The following NF1 variants were observed in gnomAD, a reference collection of about 807,000 sequenced individuals.
The protein encoded by NF1 is neurofibromin 1.
NF1 carries 122 observed loss-of-function variants against 325.7 expected under a neutral mutation model. The ratio of observed to expected loss-of-function variants is 0.37; its 90% CI spans 0.32 to 0.44. The LOEUF is 0.44. Among genes scored for constraint, NF1 ranks in the 20% least tolerant of loss-of-function variants. The probability of loss-of-function intolerance (pLI) is 1.00; values close to 1 mark genes in which losing one functional copy is unlikely to be tolerated. For synonymous variants in NF1, 1,091 were observed against 1,186.0 expected (o/e 0.92, Z 1.65); for missense variants, 2,140 against 3,415.4 (o/e 0.63, Z 9.31).
chr17:31,098,691 T>G (rs1284243791), intron 1 of NF1, among the ~76,000 whole-genome samples: 1 of 151,722 alleles, frequency 6.6e-6, no homozygotes, highest in Non-Finnish European at 1.5e-5. Context: ...CCCAGCACTT[T>G]GGGAGGCCGA....
intron 1 of NF1, among the ~76,000 whole-genome samples, chr17:31,149,916 G>C (rs1030392033): frequency 6.6e-6 from 1 of 152,156 alleles, no homozygotes; most frequent in African/African-American, 2.4e-5. Flanking sequence ...GGTCAGCAAA[G>C]TGACCACTGG....
Position 31,375,351 on chromosome 17 carries a change from A to G in NF1, c.*1196A>G. On this transcript the variant is annotated 3_prime_UTR_variant, in exon 58 of 58. Coordinates refer to ENST00000358273, the MANE Select transcript of NF1 (RefSeq NM_001042492.3). ...ATATATGCTAGAATTGCATTTAATC[A>G]CTGTGAAAAGACTGGTCAGCCTGCA... 1 of 230,818 alleles carries G rather than the reference A, an allele frequency of 4.3e-6. No individual in the cohort carries two copies. The allele number at this position is 230,818 out of a possible 1,614,324, so 14.3% of individuals were successfully genotyped here. A position where few individuals can be genotyped will look rare whatever the true frequency, so the allele number is the denominator to read the frequency against.
Position 31,251,304 on chromosome 17 carries a change from A to G in NF1, c.4111-1634A>G, listed in dbSNP as rs1317502943. On this transcript the variant is annotated intron_variant, in intron 30 of 57. Coordinates refer to ENST00000358273, the MANE Select transcript of NF1 (RefSeq NM_001042492.3). Reference sequence around the variant, plus strand: ...CCTACTGGGGAAATGTTGAAAGGGAAGTGAGTATATTGCTAGCTAATAAAC... The same window carrying G: ...CCTACTGGGGAAATGTTGAAAGGGAGGTGAGTATATTGCTAGCTAATAAAC... 3 of 208,384 alleles carry G rather than the reference A, an allele frequency of 1.4e-5. No individual in the cohort carries two copies. The East Asian group carries it at 2.2e-4, about 15-fold the overall frequency. 12.9% of individuals were successfully genotyped at this position (208,384 alleles called of 1,614,324 possible). A position where few individuals can be genotyped will look rare whatever the true frequency, so the allele number is the denominator to read the frequency against.
At chr17:31,097,345 C>G (rs574942070) in intron 1 of NF1, among the ~76,000 whole-genome samples, 21 of 151,608 alleles carry the variant, frequency 1.4e-4, no homozygotes, top group African/African-American at 4.8e-4. Flanking sequence ...GTAATCCCAG[C>G]TACTCGGGAG....
intron 1 of NF1, among the ~76,000 whole-genome samples, chr17:31,141,186 A>G (rs1916188526): frequency 6.6e-6 from 1 of 152,204 alleles, no homozygotes; most frequent in South Asian, 2.1e-4. Flanking sequence ...ATATCAGCTT[A>G]TAAATCTCAT....
intron 8 of NF1, among the ~76,000 whole-genome samples, chr17:31,189,745 T>G (rs539274242): frequency 6.6e-6 from 1 of 151,290 alleles, no homozygotes; most frequent in Admixed American, 6.6e-5. Context: ...CTTTCTGGAT[T>G]AAAAAGAAAA....
intron 1 of NF1, chr17:31,137,212 CATTT>C (rs1329140958): frequency 6.6e-6 from 1 of 152,036 alleles, no homozygotes; most frequent in African/African-American, 2.4e-5. Context: ...TTGGGAGTGA[CATTT>C]GTTGTTGTCT....
chr17:31,193,095 CAGAT>C (rs776146868), intron 8 of NF1, among the ~76,000 whole-genome samples: 5 of 152,156 alleles, frequency 3.3e-5, no homozygotes, highest in Non-Finnish European at 7.3e-5. Context: ...GGGAGATAGA[CAGAT>C]AGGTATATAG....
intron 27 of NF1, among the ~76,000 whole-genome samples, chr17:31,235,179 G>A (rs1421604251): frequency 2.0e-5 from 3 of 151,956 alleles, no homozygotes; most frequent in Non-Finnish European, 2.9e-5. Flanking sequence ...TTCAGTATTC[G>A]CTGAGTTCCC....
chr17:31,232,523 A>G (rs1378892828), intron 25 of NF1, among the ~76,000 whole-genome samples, 177 bp from the exon 26 acceptor site: 1 of 152,180 alleles, frequency 6.6e-6, no homozygotes. Context: ...AGGTAAAATC[A>G]TGTCCAACAT....
chr17:31,206,778 A>G (rs1307153545), intron 12 of NF1, among the ~76,000 whole-genome samples: 2 of 152,148 alleles, frequency 1.3e-5, no homozygotes, highest in African/African-American at 2.4e-5. Flanking sequence ...AGCTAATTGA[A>G]TGGTGACTAT....
At chr17:31,098,610 C>G (rs977307356) in intron 1 of NF1, among the ~76,000 whole-genome samples, 1 of 152,058 alleles carries the variant, frequency 6.6e-6, no homozygotes, top group South Asian at 2.1e-4. Flanking sequence ...AGAAAAAGCC[C>G]TGCATGTACT....
chr17:31,227,768 GC>G (rs1342083061), intron 20 of NF1, among the ~76,000 whole-genome samples, 162 bp downstream of exon 20: 2 of 152,150 alleles, frequency 1.3e-5, no homozygotes, highest in Non-Finnish European at 2.9e-5. Flanking sequence ...TAATGTGGTA[GC>G]TACTAGCTAT....
At chr17:31,343,192 A>G in intron 48 of NF1, 57 bp downstream of exon 48, 2 of 1,465,448 alleles carry the variant, frequency 1.4e-6, no homozygotes, top group Non-Finnish European at 1.9e-6. Context: ...ACCAGAAGTA[A>G]TTTGAATAAG....
intron 48 of NF1, among the ~76,000 whole-genome samples, chr17:31,344,617 A>G (rs762350389): frequency 1.5e-4 from 23 of 152,250 alleles, no homozygotes; most frequent in Admixed American, 7.9e-4. Context: ...TTGTGAATGT[A>G]TGCATTTGAT....
chr17:31,367,345 G>C (rs1001628905), intron 57 of NF1: 1 of 1,076,144 alleles, frequency 9.3e-7, no homozygotes, highest in East Asian at 5.9e-5. Flanking sequence ...TGGGCACATA[G>C]CATGAGACTT....
At position 31,204,222 on chromosome 17, in the gene NF1, G is replaced by GT. The variant is rs375767631; in HGVS notation, c.1261-2012dup. 2.9e-3 allele frequency among the ~76,000 whole-genome samples: 444 copies of GT among 152,030 alleles called. 3 individuals carry two copies. Among genetic ancestry groups the GT allele is most frequent in the African/African-American group, 0.01 (429 of 41,502 alleles). On this transcript the variant is annotated intron_variant, in intron 11 of 57. Transcript: ENST00000358273. ...TATAGCTGGTATATTACTTATTTCT[G>GT]TTTTTTCCTTACGACAATTTATCGT...
intron 36 of NF1, among the ~76,000 whole-genome samples, chr17:31,283,004 A>T (rs574646518): frequency 6.6e-6 from 1 of 152,334 alleles, no homozygotes; most frequent in East Asian, 1.9e-4. Context: ...ACTGTTTAAC[A>T]ATGACCATCT....
chr17:31,280,533 A>G (rs957853830), intron 36 of NF1, among the ~76,000 whole-genome samples: 3 of 151,192 alleles, frequency 2.0e-5, no homozygotes, highest in Non-Finnish European at 2.9e-5. Flanking sequence ...AAAAAAAAAA[A>G]AAAAAAAGTA....
Sources: allele counts gnomAD v4.1 joint callset (sites outside exome capture counted in the v4.1 genomes callset), GRCh38; gene constraint gnomAD v4.1.1; transcripts MANE v1.5; gene names NCBI Gene and HGNC (gene_info 2026-07-23, HGNC 2026-07-21).